The following DYNC2H1 variants were observed in gnomAD, a reference collection of about 807,000 sequenced individuals.
DYNC2H1 encodes the protein dynein cytoplasmic 2 heavy chain 1.
DYNC2H1 carries 410 observed loss-of-function variants against 570.0 expected under a neutral mutation model. The observed-to-expected ratio is 0.72, with a 90% CI of 0.66 to 0.78. The LOEUF (loss-of-function observed/expected upper bound fraction) is 0.78, where lower values mean the gene tolerates loss of function less well. Among genes scored for constraint, DYNC2H1 ranks in the 30% least tolerant of loss-of-function variants. The pLI is 0.00. For synonymous variants in DYNC2H1, 1,688 were observed against 1,677.6 expected (o/e 1.01, Z -0.15); for missense variants, 4,865 against 5,046.4 (o/e 0.96, Z 1.09).
intron 11 of DYNC2H1, among the ~76,000 whole-genome samples, chr11:103,123,667 A>G (rs1858838141): frequency 6.6e-6 from 1 of 152,328 alleles, no homozygotes; most frequent in Non-Finnish European, 1.5e-5. Context: ...TTAGTCAACT[A>G]ATTTTGGAAA....
intron 31 of DYNC2H1, among the ~76,000 whole-genome samples, chr11:103,166,361 G>A (rs1490156181): frequency 6.6e-6 from 1 of 151,988 alleles, no homozygotes; most frequent in Non-Finnish European, 1.5e-5. Flanking sequence ...AACCATCAAA[G>A]TTATTTGAAA....
intron 60 of DYNC2H1, among the ~76,000 whole-genome samples, chr11:103,233,249 A>C (rs1864081309): frequency 6.6e-6 from 1 of 151,252 alleles, no homozygotes; most frequent in Admixed American, 6.6e-5. Flanking sequence ...ATAGCATAAG[A>C]TTTATAATAC....
chr11:103,272,175 A>G (rs1326691599), intron 70 of DYNC2H1, among the ~76,000 whole-genome samples: 2 of 152,220 alleles, frequency 1.3e-5, no homozygotes, highest in African/African-American at 2.4e-5. Context: ...AACCAACCCA[A>G]ATGTCCATCA....
Position 103,324,579 on chromosome 11 carries a change from C to T in DYNC2H1, c.12039+589C>T, listed in dbSNP as rs1426927994. 6.6e-6 allele frequency among the ~76,000 whole-genome samples: 1 copy of T among 152,114 alleles called. No individual in the cohort carries two copies. The highest frequency in any genetic ancestry group is 1.5e-5 in the Non-Finnish European group (1 of 68,014). On this transcript the variant is annotated intron_variant, in intron 82 of 88. Transcript: ENST00000375735. This position sits in a 1 kb window ranked among gnomAD's most constrained non-coding sequence, Gnocchi z 5.2. ...TCTTATGTTGCATATTCCATGTTGT[C>T]TATGTATCACATTTTCTTTATTCAG...
rs375636006 is a variant in DYNC2H1 at position 103,156,400 on chromosome 11, C to A, written c.3757C>A (p.Arg1253=). 8 of 1,612,544 alleles carry A rather than the reference C, an allele frequency of 5.0e-6. No individual in the cohort carries two copies. In the Admixed American group the frequency reaches 5.0e-5, roughly 10 times the overall value. ...TTGTGTTAAATAGGATTTAAATAGT[C>A]GGGCACAAGGTGAAGTTACAATCAG... The part of the protein sequence containing the change: ...KAADLKDLNS[R]AQGEVTIREA... The change falls in exon 26 of 89, where the codon CGG becomes AGG. Residue 1253 remains arginine, a synonymous_variant. Coordinates refer to ENST00000375735, the MANE Select transcript of DYNC2H1 (RefSeq NM_001377.3).
intron 83 of DYNC2H1, among the ~76,000 whole-genome samples, chr11:103,361,652 A>C (rs1433460325): frequency 6.6e-6 from 1 of 152,220 alleles, no homozygotes; most frequent in Non-Finnish European, 1.5e-5. Context: ...GCAGTAGTCC[A>C]GGTAAGAGCA....
chr11:103,401,775 A>G (rs1591689627), intron 84 of DYNC2H1, among the ~76,000 whole-genome samples: 1 of 136,566 alleles, frequency 7.3e-6, no homozygotes, highest in Non-Finnish European at 1.7e-5. Flanking sequence ...TGTTCTTGTT[A>G]TTGTTATTTT....
intron 85 of DYNC2H1, among the ~76,000 whole-genome samples, chr11:103,450,700 ATTAC>A (rs1398558556): frequency 1.3e-5 from 2 of 152,228 alleles, no homozygotes; most frequent in Non-Finnish European, 2.9e-5. Context: ...GATCGCTTAA[ATTAC>A]TTATTTGCAT....
intron 75 of DYNC2H1, among the ~76,000 whole-genome samples, chr11:103,290,176 C>T (rs1866535714): frequency 6.6e-6 from 1 of 152,108 alleles, no homozygotes; most frequent in Non-Finnish European, 1.5e-5. Context: ...TAGACTTCAA[C>T]ATATCTTTTT....
intron 86 of DYNC2H1, 32 bp downstream of exon 86, chr11:103,455,327 C>T: frequency 6.3e-7 from 1 of 1,578,798 alleles, no homozygotes; most frequent in Non-Finnish European, 8.7e-7. Context: ...ACCTATTTGT[C>T]CCTGACGGTA....
intron 80 of DYNC2H1, among the ~76,000 whole-genome samples, chr11:103,318,560 A>G (rs1026688313): frequency 1.3e-5 from 2 of 152,046 alleles, no homozygotes; most frequent in African/African-American, 4.8e-5. Context: ...GGTAGTTTTG[A>G]GTTTGGGATG....
chr11:103,259,322 G>A (rs369334545), intron 69 of DYNC2H1, among the ~76,000 whole-genome samples: 1 of 152,116 alleles, frequency 6.6e-6, no homozygotes, highest in Non-Finnish European at 1.5e-5. Context: ...AAAGGAAATA[G>A]ACACTAATAA....
intron 75 of DYNC2H1, among the ~76,000 whole-genome samples, chr11:103,290,683 T>A (rs1436081856): frequency 6.7e-6 from 1 of 150,236 alleles, no homozygotes. Context: ...TCTGCCCCCC[T>A]ACTCCTATCT....
At chr11:103,321,527 A>G (rs1938197960) in intron 81 of DYNC2H1, among the ~76,000 whole-genome samples, 1 of 152,178 alleles carries the variant, frequency 6.6e-6, no homozygotes. Flanking sequence ...TGCTGTGAAA[A>G]GCTGAAGTGG....
chr11:103,457,578 ATAT>A (rs1271883010), intron 87 of DYNC2H1, among the ~76,000 whole-genome samples: 7 of 152,030 alleles, frequency 4.6e-5, no homozygotes, highest in Non-Finnish European at 8.8e-5. Context: ...AAAAATAATG[ATAT>A]AAAACTATTT....
In DYNC2H1 at chr11:103,319,929, C is replaced by T. The variant is rs1233673453; in HGVS notation, c.11726-1100C>T. Among the ~76,000 whole-genome samples, 1 of 152,104 alleles carries T rather than the reference C, an allele frequency of 6.6e-6. No individual in the cohort carries two copies. The highest frequency in any genetic ancestry group is 1.9e-4 in the East Asian group (1 of 5,188). ...TAGGCAGATAACAACTTTATTCTTC[C>T]ACTATATAGGTCCCCTTATCCTGCA... On this transcript the variant is annotated intron_variant, in intron 80 of 88. Coordinates refer to ENST00000375735, the MANE Select transcript of DYNC2H1 (RefSeq NM_001377.3). The surrounding 1 kb of genome is among the most constrained non-coding windows in gnomAD (Gnocchi z 4.3).
At position 103,189,626 on chromosome 11, in the gene DYNC2H1, A is replaced by G. The variant is rs1565380805; in HGVS notation, c.7293-46A>G. On this transcript the variant is annotated intron_variant, in intron 44 of 88. Transcript: ENST00000375735. The surrounding 1 kb of genome is among the most constrained non-coding windows in gnomAD (Gnocchi z 4.3). ...ACTTAACATTGAAATATTAATTTGG[A>G]ATACTGATTTATTTCAGCTTTCTTC... 6 of 1,575,498 alleles carry G rather than the reference A, an allele frequency of 3.8e-6. No individual in the cohort carries two copies. Among genetic ancestry groups the G allele is most frequent in the Non-Finnish European group, 5.2e-6 (6 of 1,151,590 alleles).
intron 9 of DYNC2H1, 24 bp downstream of exon 9, chr11:103,121,060 G>A: frequency 7.2e-7 from 1 of 1,390,850 alleles, no homozygotes; most frequent in Non-Finnish European, 9.7e-7. Context: ...AGATTATAGT[G>A]TTTGCTTGAG....
At chr11:103,316,907 A>G (rs942285707) in intron 80 of DYNC2H1, among the ~76,000 whole-genome samples, 3 of 152,102 alleles carry the variant, frequency 2.0e-5, no homozygotes, top group Non-Finnish European at 2.9e-5. Context: ...GATGTCTTTC[A>G]GGGGAACTGT....
Sources: allele counts gnomAD v4.1 joint callset (sites outside exome capture counted in the v4.1 genomes callset), GRCh38; gene constraint gnomAD v4.1.1; non-coding constraint Gnocchi (gnomAD v3.1); transcripts MANE v1.5; gene names NCBI Gene and HGNC (gene_info 2026-07-23, HGNC 2026-07-21).